ZNF704: variants seen among roughly 807,000 people sequenced by gnomAD.
ZNF704 encodes the protein zinc finger protein 704.
Under a neutral mutation model 44.7 loss-of-function variants are expected in ZNF704, and 10 were observed. The ratio of observed to expected loss-of-function variants is 0.22; its 90% CI spans 0.14 to 0.38. The LOEUF (loss-of-function observed/expected upper bound fraction) is 0.38, where lower values mean the gene tolerates loss of function less well. ZNF704 is among the 10% of genes least tolerant of loss of function. The pLI is 1.00. For missense variants in ZNF704, 390 were observed against 545.5 expected, an observed-to-expected ratio of 0.71 and a Z score of 2.84; for synonymous variants, 211 against 207.6, an observed-to-expected ratio of 1.02 and a Z score of -0.14.
chr8:80,777,767 T>A (rs1174595754), intron 2 of ZNF704, among the ~76,000 whole-genome samples: 1 of 151,610 alleles, frequency 6.6e-6, no homozygotes, highest in Non-Finnish European at 1.5e-5. Context: ...TAATCCCAGC[T>A]ACGCGGGAGG....
chr8:80,727,689 C>T (rs1277609587), intron 2 of ZNF704, among the ~76,000 whole-genome samples: 2 of 152,002 alleles, frequency 1.3e-5, no homozygotes, highest in East Asian at 3.9e-4. Context: ...GACCCCGCCC[C>T]GATGAGCTCA....
chr8:80,863,569 C>T (rs986428608), intron 1 of ZNF704, among the ~76,000 whole-genome samples: 9 of 152,106 alleles, frequency 5.9e-5, no homozygotes, highest in African/African-American at 2.2e-4. Flanking sequence ...GCTTATTTTA[C>T]ACATCTATAA....
Position 80,678,766 on chromosome 8 carries a change from T to G in ZNF704, c.559-8163A>C, listed in dbSNP as rs79825085. ...ATATCTATTAAGGGACTTGATGACC[T>G]GTCGTATTTGACCTGTCAGGTCTAC... On this transcript the variant is annotated intron_variant, in intron 4 of 8. Coordinates refer to ENST00000327835, the MANE Select transcript of ZNF704 (RefSeq NM_001033723.3). Among the ~76,000 whole-genome samples the G allele has an allele frequency of 4.0e-3, 606 of 152,306 alleles. 4 individuals are homozygous for G. Among genetic ancestry groups the G allele is most frequent in the African/African-American group, 0.014 (564 of 41,556 alleles).
chr8:80,686,971 C>G (rs1818548007), intron 4 of ZNF704, among the ~76,000 whole-genome samples: 1 of 152,178 alleles, frequency 6.6e-6, no homozygotes, highest in African/African-American at 2.4e-5. Context: ...AGTCCCAGGT[C>G]AGCAATTTAT....
upstream of ZNF704, among the ~76,000 whole-genome samples, chr8:80,878,782 A>C (rs1809391096): frequency 6.6e-6 from 1 of 152,210 alleles, no homozygotes; most frequent in Non-Finnish European, 1.5e-5. Flanking sequence ...CAAAACACAC[A>C]GTACTTTCAA....
chr8:80,869,677 G>T (rs1405911778), intron 1 of ZNF704, among the ~76,000 whole-genome samples: 1 of 152,146 alleles, frequency 6.6e-6, no homozygotes. Context: ...CTCACCACCT[G>T]GTGTTTATAA....
chr8:80,674,937 T>C (rs1461646082), intron 4 of ZNF704, among the ~76,000 whole-genome samples: 1 of 152,264 alleles, frequency 6.6e-6, no homozygotes, highest in Non-Finnish European at 1.5e-5. Flanking sequence ...GAAGTCATGA[T>C]AGATGAAAAC....
chr8:80,881,530 A>G, the ZNF704 span, among the ~76,000 whole-genome samples: 1 of 152,218 alleles, frequency 6.6e-6, no homozygotes, highest in Non-Finnish European at 1.5e-5. Flanking sequence ...TTTCAGATGG[A>G]TATGGGGAAG....
In ZNF704 at chr8:80,729,629, G is replaced by C. The variant is rs570471708; in HGVS notation, c.222-36522C>G. Among the ~76,000 whole-genome samples the C allele has an allele frequency of 7.2e-5, 11 of 152,266 alleles. 1 individual carries two copies. In the South Asian group the frequency reaches 2.3e-3, roughly 32 times the overall value. The stretch of plus-strand genomic sequence containing the variant: ...AAAATTTTTTGAAGTTTTTTCACCA[G>C]AACCAGTTTCACTACCAATCCACCC... On this transcript the variant is annotated intron_variant, in intron 2 of 8. Coordinates refer to ENST00000327835, the MANE Select transcript of ZNF704 (RefSeq NM_001033723.3).
At chr8:80,817,260 A>G (rs758737084) in intron 2 of ZNF704, among the ~76,000 whole-genome samples, 12 of 152,232 alleles carry the variant, frequency 7.9e-5, no homozygotes, top group South Asian at 6.2e-4. Flanking sequence ...CAGATCTCCA[A>G]TAACAGGGAG....
intron 8 of ZNF704, among the ~76,000 whole-genome samples, 181 bp downstream of exon 8, chr8:80,642,854 G>T (rs548437438): frequency 6.6e-6 from 1 of 151,998 alleles, no homozygotes; most frequent in Non-Finnish European, 1.5e-5. Context: ...ATTACCCCCC[G>T]AAACAACAAA....
At position 80,641,408 on chromosome 8, in the gene ZNF704, G is replaced by A. The variant is rs1043372993; in HGVS notation, c.1197C>T (p.Thr399=). Residue 399 remains threonine (T), a synonymous_variant, in exon 9 of 9, where the codon ACC becomes ACT. Coordinates refer to ENST00000327835, the MANE Select transcript of ZNF704 (RefSeq NM_001033723.3). ...GGCAGGCCTTCTTCCAGCGGCAGGC[G>A]GTACACCACATGTCTCGGTTCTCCA... ...YGMENRDMWC[T]ACRWKKACQR... 6.2e-6 allele frequency: 10 copies of A among 1,613,546 alleles called. No individual in the cohort carries two copies. The highest frequency in any genetic ancestry group is 2.2e-5 in the East Asian group (1 of 44,828).
In ZNF704 at chr8:80,775,535, C is replaced by A. The variant is rs143108227; in HGVS notation, c.221+45839G>T. 5.8e-3 allele frequency among the ~76,000 whole-genome samples: 883 copies of A among 152,240 alleles called. 10 individuals are homozygous for A. The highest frequency in any genetic ancestry group is 0.018 in the African/African-American group (761 of 41,540). The stretch of plus-strand genomic sequence containing the variant: ...AGTGTGTATGGAGCAGACTTGTAGA[C>A]CTGTACTGACTATATACTCAGATAA... On this transcript the variant is annotated intron_variant, in intron 2 of 8. Coordinates refer to ENST00000327835, the MANE Select transcript of ZNF704 (RefSeq NM_001033723.3).
chr8:80,797,066 T>C (rs1260259576), intron 2 of ZNF704, among the ~76,000 whole-genome samples: 1 of 148,376 alleles, frequency 6.7e-6, no homozygotes, highest in Non-Finnish European at 1.5e-5. Context: ...CAAGCTAGTC[T>C]GAAGCCCAAG....
chr8:80,855,496 T>C (rs1243795212), intron 1 of ZNF704, among the ~76,000 whole-genome samples: 1 of 152,146 alleles, frequency 6.6e-6, no homozygotes, highest in Non-Finnish European at 1.5e-5. Flanking sequence ...GGGGTCATTA[T>C]CATAAGTGAA....
chr8:80,667,544 T>C (rs775325043), intron 5 of ZNF704, among the ~76,000 whole-genome samples: 1 of 152,224 alleles, frequency 6.6e-6, no homozygotes, highest in Non-Finnish European at 1.5e-5. Context: ...CATCGTTTTG[T>C]TAATCACTGG....
chr8:80,836,939 T>C (rs941783148), intron 1 of ZNF704, among the ~76,000 whole-genome samples: 2 of 152,096 alleles, frequency 1.3e-5, no homozygotes, highest in Non-Finnish European at 2.9e-5. Flanking sequence ...TCCATGAAGA[T>C]AACAGGCATT....
chr8:80,661,155 A>G (rs1310265378), intron 6 of ZNF704, among the ~76,000 whole-genome samples: 1 of 152,222 alleles, frequency 6.6e-6, no homozygotes, highest in Admixed American at 6.5e-5. Flanking sequence ...AAATTTTTCA[A>G]AAGCACACAT....
At chr8:80,704,122 T>G (rs117144862) in intron 2 of ZNF704, among the ~76,000 whole-genome samples, 1,538 of 152,340 alleles carry the variant, frequency 0.01, 12 homozygotes, top group Non-Finnish European at 0.016. Context: ...ATCAGTGAAC[T>G]CTAGAATGTC....
Sources: gnomAD v4.1 joint callset for allele counts (sites outside exome capture counted in the v4.1 genomes callset) on GRCh38, gnomAD v4.1.1 for gene constraint, MANE v1.5 for transcripts, NCBI Gene and HGNC (gene_info 2026-07-23, HGNC 2026-07-21) for gene names.